Variants in CCDC149 observed in about 807,000 individuals in gnomAD.
CCDC149 encodes the protein coiled-coil domain-containing protein 149.
A neutral mutation model predicts 59.9 loss-of-function variants in CCDC149; 45 were observed. That is an observed-to-expected ratio of 0.75 (90% confidence interval 0.59 to 0.96). The LOEUF (loss-of-function observed/expected upper bound fraction) is 0.96. Among genes scored for constraint, CCDC149 ranks in the 40% least tolerant of loss-of-function variants. The pLI is 0.00. For synonymous variants in CCDC149, 245 were observed against 260.6 expected (o/e 0.94, Z 0.58); for missense variants, 584 against 664.7 (o/e 0.88, Z 1.33).
At chr4:24,822,606 C>T in intron 9 of CCDC149, 33 bp from the exon 10 acceptor site, 1 of 1,465,530 alleles carries the variant, frequency 6.8e-7, no homozygotes, top group African/African-American at 1.4e-5. Context: ...CAATCAATTA[C>T]TGAGCATCCT....
At chr4:24,912,734 G>T in intron 1 of CCDC149, 83 bp downstream of exon 1, 1 of 1,022,960 alleles carries the variant, frequency 9.8e-7, no homozygotes, top group Non-Finnish European at 1.2e-6. Context: ...GTCCCTCCCA[G>T]CTCGGCCTCT....
At chr4:24,938,546 T>G (rs1722849351) in intron 1 of CCDC149, among the ~76,000 whole-genome samples, 1 of 152,026 alleles carries the variant, frequency 6.6e-6, no homozygotes, top group Admixed American at 6.5e-5. Flanking sequence ...GCGCAGTGGG[T>G]GCAGGACAGG....
intron 4 of CCDC149, among the ~76,000 whole-genome samples, chr4:24,847,215 G>C (rs989326360): frequency 2.0e-5 from 3 of 152,112 alleles, no homozygotes; most frequent in African/African-American, 7.2e-5. Context: ...TAAGATTTCT[G>C]GTGGAATTCT....
chr4:24,939,366 A>T (rs1345495504), intron 1 of CCDC149, among the ~76,000 whole-genome samples: 9 of 152,236 alleles, frequency 5.9e-5, no homozygotes, highest in Admixed American at 5.9e-4. Flanking sequence ...ACAAACAGAA[A>T]GGACATCCAC....
chr4:24,960,070 T>C (rs1347338988), intron 1 of CCDC149, among the ~76,000 whole-genome samples: 1 of 152,196 alleles, frequency 6.6e-6, no homozygotes, highest in Non-Finnish European at 1.5e-5. Context: ...CAATGAATTG[T>C]GGAGTTTATA....
intron 1 of CCDC149, among the ~76,000 whole-genome samples, chr4:24,972,950 C>G (rs1308671836): frequency 3.3e-5 from 5 of 152,170 alleles, no homozygotes; most frequent in Non-Finnish European, 5.9e-5. Flanking sequence ...AGGAAACATT[C>G]ACCATCTTTT....
At chr4:24,861,791 GA>G (rs1718405356) in intron 3 of CCDC149, among the ~76,000 whole-genome samples, 1 of 152,166 alleles carries the variant, frequency 6.6e-6, no homozygotes, top group South Asian at 2.1e-4. Context: ...AGATTTGGGA[GA>G]AAAGTTTCCA....
chr4:24,919,932 G>T (rs1722235913), intron 1 of CCDC149, among the ~76,000 whole-genome samples: 1 of 152,166 alleles, frequency 6.6e-6, no homozygotes. Flanking sequence ...CAGAGATCTG[G>T]ACCCCTTGCT....
intron 1 of CCDC149, chr4:24,894,946 A>G (rs1183962571): frequency 6.5e-7 from 1 of 1,535,210 alleles, no homozygotes; most frequent in Non-Finnish European, 8.7e-7. Context: ...GCAGGTATTT[A>G]TAAAACATAG....
intron 3 of CCDC149, among the ~76,000 whole-genome samples, chr4:24,866,153 C>A (rs920284219): frequency 6.6e-6 from 1 of 152,076 alleles, no homozygotes; most frequent in Non-Finnish European, 1.5e-5. Flanking sequence ...AGGTTCCTTC[C>A]CATCCCACAA....
chr4:24,810,357 G>T (rs557344284), intron 12 of CCDC149, among the ~76,000 whole-genome samples: 1 of 152,178 alleles, frequency 6.6e-6, no homozygotes, highest in African/African-American at 2.4e-5. Context: ...CAGAACTTAT[G>T]TATCCAGCTC....
intron 7 of CCDC149, among the ~76,000 whole-genome samples, chr4:24,835,486 A>G (rs1388176937): frequency 6.6e-6 from 1 of 152,234 alleles, no homozygotes; most frequent in Non-Finnish European, 1.5e-5. Flanking sequence ...AAGGAAGTAC[A>G]TATGTGCCAC....
At chr4:24,897,041 G>A (rs1485289192) in intron 1 of CCDC149, among the ~76,000 whole-genome samples, 3 of 152,144 alleles carry the variant, frequency 2.0e-5, no homozygotes. Flanking sequence ...ACTCCAAGCT[G>A]CAGGCAAGGC....
At chr4:24,930,689 T>C (rs1023202827) in intron 1 of CCDC149, among the ~76,000 whole-genome samples, 1 of 152,162 alleles carries the variant, frequency 6.6e-6, no homozygotes, top group Non-Finnish European at 1.5e-5. Context: ...GAAAAGGTTT[T>C]GGTTGTTCTT....
At chr4:24,903,182 A>T (rs936634225) in intron 1 of CCDC149, among the ~76,000 whole-genome samples, 1 of 151,992 alleles carries the variant, frequency 6.6e-6, no homozygotes, top group African/African-American at 2.4e-5. Flanking sequence ...CGTCTAAGAA[A>T]GGCATAGCCC....
intron 1 of CCDC149, among the ~76,000 whole-genome samples, chr4:24,938,414 G>A (rs527993719): frequency 2.7e-4 from 41 of 152,156 alleles, no homozygotes; most frequent in Non-Finnish European, 4.0e-4. Flanking sequence ...TAAATTCTGG[G>A]GGGATGGAGC....
chr4:24,808,797 T>A lies in CCDC149; in HGVS notation c.1215A>T (p.Glu405Asp). The change falls in exon 13 of 13, where the codon GAA becomes GAT. Residue 405 changes from glutamate (E) to aspartate (D), a missense_variant. Glu to Asp is a conservative substitution (Grantham distance 45). Coordinates refer to ENST00000635206, the MANE Select transcript of CCDC149 (RefSeq NM_001330643.2). The stretch of plus-strand genomic sequence containing the variant: ...CCTCAGCAGCGGCACAACTTTCATC[T>A]TCTTCTTGCTTCTGAGCCTCCCCTG... 9 of 1,549,370 alleles carry A rather than the reference T, an allele frequency of 5.8e-6. No individual in the cohort carries two copies. The highest frequency in any genetic ancestry group is 7.9e-6 in the Non-Finnish European group (9 of 1,146,028).
Position 24,853,151 on chromosome 4 carries a change from G to A in CCDC149, c.293C>T (p.Ser98Phe). Residue 98 changes from serine to phenylalanine, a missense_variant, in exon 4 of 13, where the codon TCT (serine) becomes TTT (phenylalanine). Ser to Phe is a radical substitution (Grantham distance 155). Transcript: ENST00000635206. Reference sequence around the variant, plus strand: ...TCCCAGATGTTTATTTCGGTCCTGAGAATCTCTCAATAGTTGTGCAAGATT... The same window carrying A: ...TCCCAGATGTTTATTTCGGTCCTGAAAATCTCTCAATAGTTGTGCAAGATT... 6.2e-7 allele frequency: 1 copy of A among 1,612,976 alleles called. No homozygotes were observed.
At chr4:24,890,937 T>C (rs1420831331) in intron 1 of CCDC149, among the ~76,000 whole-genome samples, 1 of 152,250 alleles carries the variant, frequency 6.6e-6, no homozygotes, top group Non-Finnish European at 1.5e-5. Context: ...TCTTTCTCTC[T>C]GGATGAGAAG....
Sources: gnomAD v4.1 joint callset for allele counts (sites outside exome capture counted in the v4.1 genomes callset) on GRCh38, gnomAD v4.1.1 for gene constraint, MANE v1.5 for transcripts, NCBI Gene and HGNC (gene_info 2026-07-23, HGNC 2026-07-21) for gene names.